The following IDH1 variants were observed in gnomAD, a reference collection of about 807,000 sequenced individuals.
IDH1 encodes the protein isocitrate dehydrogenase [NADP] cytoplasmic.
In IDH1, 33 loss-of-function variants were observed where a neutral mutation model predicts 46.1. The observed-to-expected ratio is 0.72, with a 90% confidence interval of 0.54 to 0.96. The LOEUF is 0.96. Ranked by LOEUF, IDH1 falls within the 40% of genes least tolerant of loss-of-function variation. The pLI is 0.00. For synonymous variants in IDH1, 144 were observed against 172.8 expected (o/e 0.83, Z 1.31); for missense variants, 421 against 515.7 (o/e 0.82, Z 1.78).
At chr2:208,244,378 A>G (rs1339616002) in intron 5 of IDH1, among the ~76,000 whole-genome samples, 1 of 152,188 alleles carries the variant, frequency 6.6e-6, no homozygotes, top group Admixed American at 6.5e-5. Context: ...CCCTACCTTT[A>G]CAATTCCCAA....
chr2:208,245,789 CA>C (rs11305109), intron 4 of IDH1, among the ~76,000 whole-genome samples: 90,216 of 117,238 alleles, frequency 0.77, 36,008 homozygotes, highest in Non-Finnish European at 0.85. Context: ...ACCCCCCCCC[CA>C]AAAAAAAAAA....
In IDH1 at chr2:208,237,132, T is replaced by A; in HGVS notation, c.1192A>T (p.Met398Leu). Residue 398 changes from methionine (M) to leucine (L), a missense_variant, in exon 10 of 10, where the codon ATG becomes TTG. By Grantham distance (15) the Met-to-Leu change is conservative. Coordinates refer to ENST00000345146, the MANE Select transcript of IDH1 (RefSeq NM_005896.4). ...TTCAAGTTTTCTCCAAGTTTATCCA[T>A]GAACTCAAATGTATTCAAGTAGTCA... is the stretch of plus-strand genomic sequence containing the variant. ...RSDYLNTFEF[M>L]DKLGENLKIK... 6.2e-7 allele frequency: 1 copy of A among 1,610,572 alleles called. No individual in the cohort carries two copies. The highest frequency in any genetic ancestry group is 1.7e-4 in the Middle Eastern group (1 of 6,060).
rs552624989 is a variant in IDH1 at position 208,248,188 on chromosome 2, G to T, written c.414+181C>A. 9 of 615,892 alleles carry T rather than the reference G, an allele frequency of 1.5e-5. No individual in the cohort carries two copies. In the East Asian group the frequency reaches 2.5e-4, roughly 17 times the overall value. 38.2% of individuals were successfully genotyped at this position (615,892 alleles called of 1,614,324 possible). A position where few individuals can be genotyped will look rare whatever the true frequency, so the allele number is the denominator to read the frequency against. On this transcript the variant is annotated intron_variant, in intron 4 of 9. Coordinates refer to ENST00000345146, the MANE Select transcript of IDH1 (RefSeq NM_005896.4). ...TGGACGCCTATTTGTAAGTTTATTT[G>T]TATTTGCCTTTAGCTAAATGTGTGT...
chr2:208,236,568 A>C lies in IDH1; in HGVS notation c.*511T>G, dbSNP rs1574399336. 8.4e-6 allele frequency: 2 copies of C among 238,172 alleles called. No individual in the cohort carries two copies. Among genetic ancestry groups the C allele is most frequent in the East Asian group, 1.2e-4 (2 of 16,646 alleles). The allele number at this position is 238,172 out of a possible 1,614,324, so 14.8% of individuals were successfully genotyped here. The stretch of plus-strand genomic sequence containing the variant: ...TACAAAAATGACTGCAGTATCTTCA[A>C]CACATTTGAGTTGCACTCCTACTTC... On this transcript the variant is annotated 3_prime_UTR_variant, in exon 10 of 10. Coordinates refer to ENST00000345146, the MANE Select transcript of IDH1 (RefSeq NM_005896.4).
intron 6 of IDH1, among the ~76,000 whole-genome samples, chr2:208,242,833 C>T (rs979166581): frequency 6.0e-5 from 9 of 149,428 alleles, no homozygotes; most frequent in African/African-American, 7.4e-5. Flanking sequence ...GGCGTGATTT[C>T]GGCTCACTGC....
intron 9 of IDH1, among the ~76,000 whole-genome samples, chr2:208,237,624 G>C (rs1687835724): frequency 1.3e-5 from 2 of 152,038 alleles, no homozygotes; most frequent in Admixed American, 1.3e-4. Context: ...AGTGTCTTAA[G>C]AAAAACAAAA....
chr2:208,244,274 C>T (rs1306579651), intron 5 of IDH1, among the ~76,000 whole-genome samples: 2 of 152,220 alleles, frequency 1.3e-5, no homozygotes, highest in African/African-American at 4.8e-5. Context: ...CAGGCTTGTA[C>T]AGCCTGCAGA....
At chr2:208,242,621 C>G (rs1249416530) in intron 6 of IDH1, among the ~76,000 whole-genome samples, 4 of 152,178 alleles carry the variant, frequency 2.6e-5, no homozygotes, top group Non-Finnish European at 5.9e-5. Flanking sequence ...GGCCTGAACA[C>G]TTGCACCTAA....
At chr2:208,242,317 T>C (rs1186262724) in intron 6 of IDH1, among the ~76,000 whole-genome samples, 172 bp from the exon 7 acceptor site, 1 of 152,180 alleles carries the variant, frequency 6.6e-6, no homozygotes, top group Non-Finnish European at 1.5e-5. Context: ...GCCCAATCAT[T>C]TTCTAACTGT....
chr2:208,237,165 G>A lies in IDH1; in HGVS notation c.1159C>T (p.Gln387Ter). Residue 387 changes from glutamine (Q) to a stop codon, truncating the protein, a stop_gained, in exon 10 of 10, where the codon CAA (glutamine) becomes TAA (stop). Coordinates refer to ENST00000345146, the MANE Select transcript of IDH1 (RefSeq NM_005896.4). LOFTEE classifies it high-confidence loss of function. ...AATGTATTCAAGTAGTCAGAACGTTGCACACTAACGGGAAGGAAAAAAAAA... is the reference window on the plus strand; with the variant it reads ...AATGTATTCAAGTAGTCAGAACGTTACACACTAACGGGAAGGAAAAAAAAA... ...AACIKGLPNV[Q>*]RSDYLNTFEF... 6.4e-7 allele frequency: 1 copy of A among 1,559,162 alleles called. No homozygotes were observed. Among genetic ancestry groups the A allele is most frequent in the Non-Finnish European group, 8.7e-7 (1 of 1,151,008 alleles).
intron 2 of IDH1, among the ~76,000 whole-genome samples, chr2:208,252,342 C>A (rs1688140149): frequency 6.6e-6 from 1 of 152,200 alleles, no homozygotes; most frequent in Non-Finnish European, 1.5e-5. Context: ...TGTTCACAGG[C>A]AAGGGTAAGC....
intron 1 of IDH1, chr2:208,254,331 T>G (rs1688175598): frequency 6.8e-6 from 1 of 146,782 alleles, no homozygotes; most frequent in Non-Finnish European, 1.5e-5. Flanking sequence ...CTCCCCTCGC[T>G]GGTGCTGGGA....
intron 3 of IDH1, among the ~76,000 whole-genome samples, chr2:208,249,489 G>T (rs1053163530): frequency 2.0e-5 from 3 of 152,220 alleles, no homozygotes; most frequent in Non-Finnish European, 4.4e-5. Context: ...CACAAAGATT[G>T]CAGGTCATTC....
In IDH1 at chr2:208,239,873, G is replaced by A. The variant is rs2124848799; in HGVS notation, c.981C>T (p.Thr327=). Residue 327 remains threonine, a synonymous_variant, in exon 8 of 10, where the codon ACC becomes ACT. Coordinates refer to ENST00000345146, the MANE Select transcript of IDH1 (RefSeq NM_005896.4). ...TAAACACCATCTTACCAATGGGATT[G>A]GTGGACGTCTCCTGTCCTTTCTGGT... ...RMYQKGQETS[T]NPIASIFAWT... 1 of 1,614,166 alleles carries A rather than the reference G, an allele frequency of 6.2e-7. No homozygotes were observed. Among genetic ancestry groups the A allele is most frequent in the Non-Finnish European group, 8.5e-7 (1 of 1,180,016 alleles).
At chr2:208,254,650 A>T (rs935419519) in intron 1 of IDH1, among the ~76,000 whole-genome samples, 13 of 152,318 alleles carry the variant, frequency 8.5e-5, no homozygotes, top group Non-Finnish European at 1.8e-4. Context: ...ACCCAAGTGC[A>T]GACCTGATTT....
At chr2:208,250,068 GATA>G (rs3841868) in intron 3 of IDH1, among the ~76,000 whole-genome samples, 5,221 of 152,184 alleles carry the variant, frequency 0.034, 242 homozygotes, top group African/African-American at 0.092. Flanking sequence ...ACCAGTCAGT[GATA>G]ATAATAGGAA....
In IDH1 at chr2:208,239,506, A is replaced by G. The variant is rs7565247; in HGVS notation, c.992-273T>C. Among the ~76,000 whole-genome samples, 126,746 of 152,212 alleles carry G rather than the reference A, an allele frequency of 0.83. 54,875 individuals are homozygous for G. The highest frequency in any genetic ancestry group is 0.99 in the East Asian group (5,121 of 5,188). ...TCACAATCTCTTCTATCTCTTGTCT[A>G]TATTGGTCTCCTTTTTCCAGGCTGT... On this transcript the variant is annotated intron_variant, in intron 8 of 9. Transcript: ENST00000345146.
At chr2:208,253,986 T>C (rs1001726669) in intron 1 of IDH1, 27 bp from the exon 2 acceptor site, 1 of 152,246 alleles carries the variant, frequency 6.6e-6, no homozygotes, top group African/African-American at 2.4e-5. Context: ...AATAAAAGTG[T>C]TAACATACAG....
At chr2:208,239,334 T>G in intron 8 of IDH1, 101 bp from the exon 9 acceptor site, 1 of 1,227,006 alleles carries the variant, frequency 8.1e-7, no homozygotes, top group Non-Finnish European at 1.2e-6. Context: ...TTTGTTTAGG[T>G]GACAGACTTC....
Sources: allele counts gnomAD v4.1 joint callset (sites outside exome capture counted in the v4.1 genomes callset), GRCh38; gene constraint gnomAD v4.1.1; transcripts MANE v1.5; gene names NCBI Gene and HGNC (gene_info 2026-07-23, HGNC 2026-07-21).